The following ARID5B variants were observed in gnomAD, a reference collection of about 807,000 sequenced individuals.
ARID5B encodes the protein AT-rich interaction domain 5B.
A neutral mutation model predicts 97.2 loss-of-function variants in ARID5B; 13 were observed. The observed-to-expected ratio is 0.13, with a 90% confidence interval of 0.09 to 0.21. ARID5B has a LOEUF of 0.21. Ranked by LOEUF, ARID5B falls within the 10% of genes least tolerant of loss-of-function variation. The pLI is 1.00. For missense variants in ARID5B, 1,210 were observed against 1,465.3 expected (o/e 0.83, Z 2.84); for synonymous variants, 556 against 570.3 (o/e 0.97, Z 0.36).
At chr10:61,907,065 T>TG (rs1277204353) in intron 2 of ARID5B, among the ~76,000 whole-genome samples, 5 of 152,232 alleles carry the variant, frequency 3.3e-5, no homozygotes, top group African/African-American at 1.2e-4. Flanking sequence ...TTTTTCCGTG[T>TG]GAGGGAATGG....
chr10:62,002,069 C>T (rs1224554942), intron 4 of ARID5B, among the ~76,000 whole-genome samples: 2 of 152,168 alleles, frequency 1.3e-5, no homozygotes, highest in South Asian at 2.1e-4. Flanking sequence ...CAGAATAAAA[C>T]TGAAAGCATG....
intron 2 of ARID5B, among the ~76,000 whole-genome samples, chr10:61,915,754 T>TTTTG (rs563119214): frequency 2.1e-3 from 319 of 152,278 alleles, no homozygotes; most frequent in African/African-American, 7.1e-3. Context: ...TTTGTTTGTT[T>TTTTG]TTTGTTTGTT....
chr10:61,965,394 G>T (rs911923723), intron 3 of ARID5B, among the ~76,000 whole-genome samples: 1 of 152,084 alleles, frequency 6.6e-6, no homozygotes, highest in African/African-American at 2.4e-5. Flanking sequence ...AGGAGGAACG[G>T]TTATTTTTAA....
Position 62,027,285 on chromosome 10 carries a change from C to CTTTTT in ARID5B, c.734-23566_734-23562dup, listed in dbSNP as rs777291593. Among the ~76,000 whole-genome samples the CTTTTT allele has an allele frequency of 3.4e-4, 23 of 67,406 alleles. 2 individuals are homozygous for CTTTTT. Among genetic ancestry groups the CTTTTT allele is most frequent in the Non-Finnish European group, 4.9e-4 (18 of 36,556 alleles). 44.2% of individuals were successfully genotyped at this position (67,406 alleles called of 152,430 possible). On this transcript the variant is annotated intron_variant, in intron 4 of 9. Transcript: ENST00000279873. ...TGATGCATTAGCCTCACAGTATCTC[C>CTTTTT]TTTTTTTTTTTTTTTTTTTTTTTTT...
Position 62,092,733 on chromosome 10 carries a change from C to T in ARID5B, c.3270C>T (p.Gly1090=). 6.2e-7 allele frequency: 1 copy of T among 1,614,174 alleles called. No individual in the cohort carries two copies. Among genetic ancestry groups the T allele is most frequent in the Non-Finnish European group, 8.5e-7 (1 of 1,180,034 alleles). The change falls in exon 10 of 10, where the codon GGC becomes GGT. Residue 1090 remains glycine (G), a synonymous_variant. Transcript: ENST00000279873. Reference sequence around the variant, plus strand: ...ATTCCGGGAGCCTGTGTAACTCGGGCCTCAACTCCAGGCTCCCGGCTGGGT... The same window carrying T: ...ATTCCGGGAGCCTGTGTAACTCGGGTCTCAACTCCAGGCTCCCGGCTGGGT... The part of the protein sequence containing the change: ...GLYSGSLCNS[G]LNSRLPAGYS...
rs576334128 is a variant in ARID5B, at chr10:62,049,404, A to T, written c.734-1484A>T. ...CCACACCAAGTCGAGACTTCCAGGG[A>T]TGTGGCCGGGGAGCAGTCACATGCT... On this transcript the variant is annotated intron_variant, in intron 4 of 9. Coordinates refer to ENST00000279873, the MANE Select transcript of ARID5B (RefSeq NM_032199.3). The T allele has an allele frequency of 2.5e-4, 392 of 1,550,134 alleles. 1 individual carries two copies. The highest frequency in any genetic ancestry group is 3.2e-4 in the Non-Finnish European group (370 of 1,146,746).
At chr10:61,967,865 C>G (rs1838567643) in intron 3 of ARID5B, among the ~76,000 whole-genome samples, 4 of 152,090 alleles carry the variant, frequency 2.6e-5, no homozygotes, top group African/African-American at 7.2e-5. Context: ...TGTCCAGGCC[C>G]ATGGAACAGT....
intron 2 of ARID5B, among the ~76,000 whole-genome samples, chr10:61,920,584 C>T (rs1312838278): frequency 1.3e-5 from 2 of 151,964 alleles, no homozygotes; most frequent in African/African-American, 2.4e-5. Context: ...TATCCGCCTG[C>T]CTTGGCCTCC....
At chr10:62,044,994 G>C (rs746464214) in intron 4 of ARID5B, among the ~76,000 whole-genome samples, 27 of 152,124 alleles carry the variant, frequency 1.8e-4, no homozygotes, top group Non-Finnish European at 3.1e-4. Flanking sequence ...TCAAACAATT[G>C]AATAGAAATT....
chr10:61,942,424 C>T (rs1160498307), intron 3 of ARID5B, among the ~76,000 whole-genome samples: 2 of 152,296 alleles, frequency 1.3e-5, no homozygotes, highest in East Asian at 1.9e-4. Context: ...AAAAACAATA[C>T]TGATTACTGA....
Position 62,092,908 on chromosome 10 carries a change from C to T in ARID5B, c.3445C>T (p.Pro1149Ser). 1 of 1,614,206 alleles carries T rather than the reference C, an allele frequency of 6.2e-7. No homozygotes were observed. The highest frequency in any genetic ancestry group is 1.1e-5 in the South Asian group (1 of 91,084). Residue 1149 changes from proline (P) to serine (S), a missense_variant, in exon 10 of 10, where the codon CCT becomes TCT. Physicochemically the swap from Pro to Ser is moderately conservative, Grantham distance 74. Transcript: ENST00000279873. ...QLYRHLAAAT[P>S]VGSSYGDLLH... ...GTACAGACACTTGGCTGCGGCTACA[C>T]CTGTAGGAAGTTCATATGGGGACCT... is the stretch of plus-strand genomic sequence containing the variant.
chr10:62,095,764 T>G lies in ARID5B; in HGVS notation c.*2734T>G. ...TGTCTTAAATAAGGCTTTGTTTGCA[T>G]TGTTTGAGTTCAAGGGGCCTTATTA... On this transcript the variant is annotated 3_prime_UTR_variant, in exon 10 of 10. Coordinates refer to ENST00000279873, the MANE Select transcript of ARID5B (RefSeq NM_032199.3). The G allele has an allele frequency of 4.3e-6, 1 of 231,750 alleles. No homozygotes were observed. The highest frequency in any genetic ancestry group is 8.6e-6 in the Non-Finnish European group (1 of 116,812). The allele number at this position is 231,750 out of a possible 1,614,324, so 14.4% of individuals were successfully genotyped here.
rs1444705688 is a variant in ARID5B, at chr10:62,091,775, A to G, written c.2312A>G (p.Asp771Gly). 1.2e-6 allele frequency: 2 copies of G among 1,614,142 alleles called. No individual in the cohort carries two copies. The highest frequency in any genetic ancestry group is 1.7e-5 in the Admixed American group (1 of 60,010). ...TCGGAAGAGAGAAAGACCATCAATG[A>G]CATCTTTAAGCATGAGAAACTGAGT... is the stretch of plus-strand genomic sequence containing the variant. ...KPSEERKTIN[D>G]IFKHEKLSRS... Residue 771 changes from aspartate to glycine, a missense_variant, in exon 10 of 10, where the codon GAC (aspartate) becomes GGC (glycine). Asp to Gly is a moderately conservative substitution (Grantham distance 94). This residue lies in a region of ARID5B where 800 missense variants were observed against 839.1 expected (regional missense o/e 0.95). Transcript: ENST00000279873.
chr10:61,997,710 C>T (rs759722357), intron 3 of ARID5B, among the ~76,000 whole-genome samples: 1 of 152,146 alleles, frequency 6.6e-6, no homozygotes, highest in Non-Finnish European at 1.5e-5. Context: ...ATATGCCTCT[C>T]TCTCATTAAC....
chr10:61,919,830 C>G (rs1843980409), intron 2 of ARID5B, among the ~76,000 whole-genome samples: 1 of 151,860 alleles, frequency 6.6e-6, no homozygotes, highest in Admixed American at 6.6e-5. Flanking sequence ...AAAGAGGGCT[C>G]TAGTAAAAAG....
chr10:62,014,782 T>C (rs1839262174), intron 4 of ARID5B, among the ~76,000 whole-genome samples: 1 of 152,142 alleles, frequency 6.6e-6, no homozygotes, highest in South Asian at 2.1e-4. Flanking sequence ...AAAAAGTGCA[T>C]GCAAACATAA....
chr10:61,934,703 T>C (rs1354262951), intron 2 of ARID5B, among the ~76,000 whole-genome samples: 4 of 152,104 alleles, frequency 2.6e-5, no homozygotes, highest in Non-Finnish European at 2.9e-5. Flanking sequence ...CTCCAAACAA[T>C]TACAATAGTA....
chr10:61,947,792 GT>G (rs1267192809), intron 3 of ARID5B, among the ~76,000 whole-genome samples: 6 of 152,158 alleles, frequency 3.9e-5, no homozygotes, highest in Non-Finnish European at 7.3e-5. Context: ...TAGAAAAGAG[GT>G]CTTTGTGAAA....
Position 61,936,967 on chromosome 10 carries a change from G to T in ARID5B, c.277-3216G>T, listed in dbSNP as rs543166886. Among the ~76,000 whole-genome samples the T allele has an allele frequency of 4.4e-4, 67 of 152,306 alleles. 1 individual carries two copies. In the South Asian group the frequency reaches 0.013, roughly 29 times the overall value. On this transcript the variant is annotated intron_variant, in intron 2 of 9. Transcript: ENST00000279873. ...GAATTTGAACCCAAGCAATCTGGCT[G>T]CAGAGTCCAAGATGCTGTCTTGGCA... is the stretch of plus-strand genomic sequence containing the variant.
Sources: allele counts gnomAD v4.1 joint callset (sites outside exome capture counted in the v4.1 genomes callset), GRCh38; gene constraint gnomAD v4.1.1; regional missense constraint gnomAD v4.1.1; transcripts MANE v1.5; gene names NCBI Gene and HGNC (gene_info 2026-07-23, HGNC 2026-07-21).